The following HAPLN1 variants were observed in gnomAD, a reference collection of about 807,000 sequenced individuals.
HAPLN1 encodes the protein hyaluronan and proteoglycan link protein 1.
HAPLN1 carries 13 observed loss-of-function variants against 36.5 expected under a neutral mutation model. That is an observed-to-expected ratio of 0.36 (90% CI 0.23 to 0.57). The LOEUF is 0.57. Ranked by LOEUF, HAPLN1 falls within the 20% of genes least tolerant of loss-of-function variation. The pLI is 0.83. For synonymous variants in HAPLN1, 202 were observed against 169.8 expected (o/e 1.19, Z -1.48); for missense variants, 407 against 439.7 (o/e 0.93, Z 0.66).
chr5:83,697,857 G>A (rs953639992), intron 1 of HAPLN1, among the ~76,000 whole-genome samples: 6 of 151,964 alleles, frequency 3.9e-5, no homozygotes, highest in African/African-American at 1.5e-4. Context: ...TGTCTATTCC[G>A]ATCTTTTGTC....
At chr5:83,701,703 C>T (rs1751510262) in intron 1 of HAPLN1, among the ~76,000 whole-genome samples, 1 of 152,084 alleles carries the variant, frequency 6.6e-6, no homozygotes, top group African/African-American at 2.4e-5. Flanking sequence ...TTTGGGAGGC[C>T]GAGGCGGGTG....
At chr5:83,686,852 A>G (rs951956180) in intron 1 of HAPLN1, among the ~76,000 whole-genome samples, 4 of 152,194 alleles carry the variant, frequency 2.6e-5, no homozygotes, top group African/African-American at 4.8e-5. Context: ...AGGGAGTTCA[A>G]GAGCAGGATA....
rs201626132 is a variant in HAPLN1 at position 83,644,327 on chromosome 5, G to A, written c.775+36C>T. 5.5e-5 allele frequency: 79 copies of A among 1,424,406 alleles called. No individual in the cohort carries two copies. In the African/African-American group the frequency reaches 1.0e-3, roughly 19 times the overall value. 88.2% of individuals were successfully genotyped at this position (1,424,406 alleles called of 1,614,324 possible). On this transcript the variant is annotated intron_variant, in intron 4 of 4. Transcript: ENST00000274341. ...AGTGTTATAGTATGGAATAGTCTGT[G>A]AGATAGGAAAGAAGGCAGTACAGTT...
chr5:83,703,182 T>C (rs1751551253), intron 1 of HAPLN1, among the ~76,000 whole-genome samples: 1 of 152,190 alleles, frequency 6.6e-6, no homozygotes, highest in African/African-American at 2.4e-5. Context: ...GAGATGCCTA[T>C]TTCTATATCT....
intron 1 of HAPLN1, among the ~76,000 whole-genome samples, chr5:83,713,947 ATT>A (rs1325811524): frequency 2.0e-5 from 3 of 152,186 alleles, no homozygotes; most frequent in African/African-American, 7.2e-5. Flanking sequence ...AGTGATTATC[ATT>A]TACATCTTAA....
At chr5:83,665,916 C>T (rs1185191360) in intron 2 of HAPLN1, among the ~76,000 whole-genome samples, 1 of 152,184 alleles carries the variant, frequency 6.6e-6, no homozygotes, top group Non-Finnish European at 1.5e-5. Flanking sequence ...ACTATTTGTA[C>T]TGACTACTTG....
At chr5:83,644,305 G>T in intron 4 of HAPLN1, 58 bp downstream of exon 4, 1 of 1,249,626 alleles carries the variant, frequency 8.0e-7, no homozygotes, top group Non-Finnish European at 1.1e-6. Context: ...CAAGTGTAGT[G>T]TTATAGTATG....
chr5:83,712,414 C>A (rs1751811293), intron 1 of HAPLN1, among the ~76,000 whole-genome samples: 1 of 151,686 alleles, frequency 6.6e-6, no homozygotes, highest in Non-Finnish European at 1.5e-5. Context: ...AATATTTTAG[C>A]TAGAATAAAA....
intron 1 of HAPLN1, among the ~76,000 whole-genome samples, chr5:83,720,484 A>G (rs899356409): frequency 2.6e-5 from 4 of 152,220 alleles, no homozygotes; most frequent in African/African-American, 7.2e-5. Flanking sequence ...ACAGATAGAA[A>G]AGTCACCACT....
chr5:83,704,085 G>A (rs1751573415), intron 1 of HAPLN1, among the ~76,000 whole-genome samples: 1 of 148,762 alleles, frequency 6.7e-6, no homozygotes, highest in African/African-American at 2.5e-5. Flanking sequence ...AAAGAGACTG[G>A]GGGGCCTATA....
At chr5:83,680,949 T>A (rs1266923803) in intron 1 of HAPLN1, among the ~76,000 whole-genome samples, 1 of 152,146 alleles carries the variant, frequency 6.6e-6, no homozygotes, top group Non-Finnish European at 1.5e-5. Context: ...TTCTTTGTGG[T>A]TTAATATGCT....
Position 83,640,721 on chromosome 5 carries a change from A to G in HAPLN1, c.*775T>C, listed in dbSNP as rs1703516149. The G allele has an allele frequency of 6.6e-6, 1 of 152,140 alleles. No individual in the cohort carries two copies. Among genetic ancestry groups the G allele is most frequent in the Admixed American group, 6.5e-5 (1 of 15,278 alleles). The allele number at this position is 152,140 out of a possible 1,614,324, so 9.4% of individuals were successfully genotyped here. On this transcript the variant is annotated 3_prime_UTR_variant, in exon 5 of 5. Coordinates refer to ENST00000274341, the MANE Select transcript of HAPLN1 (RefSeq NM_001884.4). Reference sequence around the variant, plus strand: ...AGCAAATGGCCCTTAGAATTTAAATACAACTCGGTAAAGCTACTCAAAAGA... The same window carrying G: ...AGCAAATGGCCCTTAGAATTTAAATGCAACTCGGTAAAGCTACTCAAAAGA...
At chr5:83,697,771 T>G (rs1248522793) in intron 1 of HAPLN1, among the ~76,000 whole-genome samples, 1 of 152,168 alleles carries the variant, frequency 6.6e-6, no homozygotes, top group Non-Finnish European at 1.5e-5. Flanking sequence ...GTATAACTCG[T>G]ATTTTCCTAA....
chr5:83,679,477 G>C (rs1750945169), intron 1 of HAPLN1, among the ~76,000 whole-genome samples: 1 of 151,896 alleles, frequency 6.6e-6, no homozygotes, highest in Non-Finnish European at 1.5e-5. Flanking sequence ...ACCTTTCTCT[G>C]TTTTACTTTC....
intron 1 of HAPLN1, among the ~76,000 whole-genome samples, chr5:83,677,402 G>A (rs1287847327): frequency 6.6e-6 from 1 of 152,138 alleles, no homozygotes; most frequent in East Asian, 1.9e-4. Flanking sequence ...CTCCTTTAAT[G>A]CTTCATGCAA....
At chr5:83,655,741 G>T (rs1313669969) in intron 2 of HAPLN1, among the ~76,000 whole-genome samples, 1 of 152,144 alleles carries the variant, frequency 6.6e-6, no homozygotes, top group Admixed American at 6.5e-5. Flanking sequence ...GCATTTTGGA[G>T]AAGTGGTCTA....
At chr5:83,657,549 C>T (rs1351113398) in intron 2 of HAPLN1, among the ~76,000 whole-genome samples, 1 of 152,146 alleles carries the variant, frequency 6.6e-6, no homozygotes, top group East Asian at 1.9e-4. Context: ...CCTCGCTCCT[C>T]TCTAGAAAGC....
intron 1 of HAPLN1, among the ~76,000 whole-genome samples, chr5:83,710,841 C>T (rs1385853351): frequency 6.6e-6 from 1 of 151,986 alleles, no homozygotes; most frequent in African/African-American, 2.4e-5. Flanking sequence ...GTCCCAGCTA[C>T]TCTGGAGGGT....
rs531003009 is a variant in HAPLN1, at chr5:83,684,654, C to T, written c.-26-11105G>A. 7.4e-4 allele frequency among the ~76,000 whole-genome samples: 113 copies of T among 152,204 alleles called. 2 individuals are homozygous for T. In the South Asian group the frequency reaches 0.023, roughly 31 times the overall value. ...GGCCTGCTTGTGTGACTACATGGAG[C>T]TCGTGTAGTTGGAGAGTGGGGTGAT... On this transcript the variant is annotated intron_variant, in intron 1 of 4. Transcript: ENST00000274341.
Sources: gnomAD v4.1 joint callset for allele counts (sites outside exome capture counted in the v4.1 genomes callset) on GRCh38, gnomAD v4.1.1 for gene constraint, MANE v1.5 for transcripts, NCBI Gene and HGNC (gene_info 2026-07-23, HGNC 2026-07-21) for gene names.